Variants in SLC35D4 observed in about 807,000 individuals in gnomAD.
SLC35D4 encodes the protein UDP-N-acetylglucosamine transporter SLC35D4.
chr18:23,338,045 C>A, the SLC35D4 span, among the ~76,000 whole-genome samples: 2 of 152,186 alleles, frequency 1.3e-5, no homozygotes, highest in Admixed American at 6.5e-5. Flanking sequence ...TTTGAAGGAT[C>A]CCTGGCAATT....
chr18:23,341,756 T>A, the SLC35D4 span, among the ~76,000 whole-genome samples: 2 of 152,176 alleles, frequency 1.3e-5, no homozygotes, highest in Non-Finnish European at 2.9e-5. Flanking sequence ...GAGGGGAGAT[T>A]GCTTGATGTA....
chr18:23,271,151 A>C, the SLC35D4 span, among the ~76,000 whole-genome samples: 1 of 152,146 alleles, frequency 6.6e-6, no homozygotes, highest in East Asian at 1.9e-4. Context: ...AATAAGTCTC[A>C]CAAGATCTGA....
At chr18:23,286,548 G>A in the SLC35D4 span, among the ~76,000 whole-genome samples, 2 of 151,934 alleles carry the variant, frequency 1.3e-5, no homozygotes, top group Non-Finnish European at 2.9e-5. Context: ...CGATCGCCTC[G>A]GAAGCCCCGT....
the SLC35D4 span, among the ~76,000 whole-genome samples, chr18:23,393,072 T>C: frequency 6.6e-6 from 1 of 152,092 alleles, no homozygotes; most frequent in Non-Finnish European, 1.5e-5. Flanking sequence ...CATGCTACCA[T>C]GCCAGGATAA....
At chr18:23,427,965 A>G in the SLC35D4 span, among the ~76,000 whole-genome samples, 3 of 152,216 alleles carry the variant, frequency 2.0e-5, no homozygotes, top group Non-Finnish European at 4.4e-5. Flanking sequence ...TGGGAATTGA[A>G]CAATGAGAAC....
the SLC35D4 span, among the ~76,000 whole-genome samples, chr18:23,313,154 A>T: frequency 6.2e-3 from 907 of 146,586 alleles, 9 homozygotes; most frequent in African/African-American, 0.022. Flanking sequence ...AAAAAAAAAA[A>T]AAAGAACCTG....
chr18:23,395,557 C>T, the SLC35D4 span, among the ~76,000 whole-genome samples: 1 of 152,204 alleles, frequency 6.6e-6, no homozygotes, highest in Non-Finnish European at 1.5e-5. Flanking sequence ...GCTGCAGACC[C>T]TGGCCTCCCC....
At chr18:23,252,119 A>ATAAGCC in the SLC35D4 span, among the ~76,000 whole-genome samples, 2 of 152,326 alleles carry the variant, frequency 1.3e-5, no homozygotes, top group Middle Eastern at 3.4e-3. Context: ...GCTAAATAAA[A>ATAAGCC]TAAGCCTATG....
the SLC35D4 span, among the ~76,000 whole-genome samples, chr18:23,353,456 T>C: frequency 1.3e-5 from 2 of 152,260 alleles, no homozygotes; most frequent in East Asian, 1.9e-4. Flanking sequence ...ACTAAATGCT[T>C]GTCAGGTTGA....
the SLC35D4 span, among the ~76,000 whole-genome samples, chr18:23,293,518 T>A: frequency 6.6e-6 from 1 of 152,254 alleles, no homozygotes; most frequent in East Asian, 1.9e-4. Context: ...TTACAGCCCA[T>A]CTGAATTTGG....
chr18:23,254,951 C>T, the SLC35D4 span, among the ~76,000 whole-genome samples: 8 of 152,228 alleles, frequency 5.3e-5, no homozygotes, highest in Admixed American at 3.9e-4. Context: ...TGGAATTGGT[C>T]GGGAGGCAGA....
the SLC35D4 span, among the ~76,000 whole-genome samples, chr18:23,413,942 T>TA: frequency 1.4e-5 from 1 of 72,584 alleles, no homozygotes. Context: ...AGGCTCCGCC[T>TA]CAAAAAAAAA....
the SLC35D4 span, chr18:23,257,328 A>C: frequency 9.3e-6 from 15 of 1,613,562 alleles, no homozygotes; most frequent in Non-Finnish European, 1.3e-5. Context: ...CCGAGCACGA[A>C]GTCATGCCCC....
the SLC35D4 span, among the ~76,000 whole-genome samples, chr18:23,382,539 C>T: frequency 1.3e-5 from 2 of 149,860 alleles, no homozygotes; most frequent in East Asian, 2.0e-4. Context: ...GTAAAACTTC[C>T]ACTTATTTTA....
the SLC35D4 span, chr18:23,296,535 C>G: frequency 6.6e-6 from 1 of 152,062 alleles, no homozygotes; most frequent in African/African-American, 2.4e-5. Flanking sequence ...CTTGAACTCC[C>G]GACCTCAGGT....
the SLC35D4 span, among the ~76,000 whole-genome samples, chr18:23,251,754 A>G: frequency 6.6e-6 from 1 of 152,192 alleles, no homozygotes; most frequent in African/African-American, 2.4e-5. Flanking sequence ...ACCTTAAAGG[A>G]AATTCTGACA....
chr18:23,414,575 A>G, the SLC35D4 span, among the ~76,000 whole-genome samples: 1 of 151,604 alleles, frequency 6.6e-6, no homozygotes, highest in Non-Finnish European at 1.5e-5. Context: ...CGGGGGGCTG[A>G]GGCAAGAGAG....
the SLC35D4 span, among the ~76,000 whole-genome samples, chr18:23,397,694 A>C: frequency 6.6e-5 from 10 of 152,296 alleles, no homozygotes; most frequent in African/African-American, 2.2e-4. Context: ...CCCTGGGCTC[A>C]CTCTAAAATC....
chr18:23,251,470 T>C, the SLC35D4 span, among the ~76,000 whole-genome samples: 1 of 151,836 alleles, frequency 6.6e-6, no homozygotes, highest in African/African-American at 2.4e-5. Context: ...AAAAAAAGAT[T>C]ATGGCGTGTA....
Sources: gnomAD v4.1 joint callset for allele counts (sites outside exome capture counted in the v4.1 genomes callset) on GRCh38, gnomAD v4.1.1 for gene constraint, MANE v1.5 for transcripts, NCBI Gene and HGNC (gene_info 2026-07-23, HGNC 2026-07-21) for gene names.